The following SNCAIP variants were observed in gnomAD, a reference collection of about 807,000 sequenced individuals.
The protein encoded by SNCAIP is synuclein alpha interacting protein, also known as synphilin-1.
SNCAIP carries 43 observed loss-of-function variants against 86.7 expected under a neutral mutation model. The ratio of observed to expected loss-of-function variants is 0.50; its 90% CI spans 0.39 to 0.64. The LOEUF is 0.64. Ranked by LOEUF, SNCAIP falls within the 30% of genes least tolerant of loss-of-function variation. SNCAIP has a pLI of 0.00. For missense variants in SNCAIP, 981 were observed against 1,103.1 expected, an observed-to-expected ratio of 0.89 and a Z score of 1.57; for synonymous variants, 417 against 427.2, an observed-to-expected ratio of 0.98 and a Z score of 0.29.
At chr5:122,337,460 A>G (rs1756716151) in intron 1 of SNCAIP, among the ~76,000 whole-genome samples, 1 of 152,068 alleles carries the variant, frequency 6.6e-6, no homozygotes, top group Non-Finnish European at 1.5e-5. Context: ...CCACAGTTGA[A>G]TCACATGACA....
chr5:122,394,624 G>A (rs1028913373), intron 2 of SNCAIP, among the ~76,000 whole-genome samples: 1 of 152,178 alleles, frequency 6.6e-6, no homozygotes, highest in Non-Finnish European at 1.5e-5. Context: ...TCCTATGGAA[G>A]CCAGATCCCT....
At chr5:122,417,502 T>C (rs1775550749) in intron 3 of SNCAIP, among the ~76,000 whole-genome samples, 1 of 152,260 alleles carries the variant, frequency 6.6e-6, no homozygotes, top group African/African-American at 2.4e-5. Flanking sequence ...GCACATCTTG[T>C]CTAAACATTT....
At position 122,458,314 on chromosome 5, in the gene SNCAIP, G is replaced by A. The variant is rs933953833; in HGVS notation, c.2755-5177G>A. Among the ~76,000 whole-genome samples, 3 of 152,106 alleles carry A rather than the reference G, an allele frequency of 2.0e-5. No individual in the cohort carries two copies. In the East Asian group the frequency reaches 5.8e-4, roughly 29 times the overall value. On this transcript the variant is annotated intron_variant, in intron 10 of 10. Transcript: ENST00000261368. Reference sequence around the variant, plus strand: ...TTCAACAAGCCGCTCCTGATTTAAGGATAGTCAGAAAACCTAAGGACAACT... The same window carrying A: ...TTCAACAAGCCGCTCCTGATTTAAGAATAGTCAGAAAACCTAAGGACAACT...
At chr5:122,452,133 AAC>A (rs953251963) in intron 10 of SNCAIP, among the ~76,000 whole-genome samples, 2 of 152,244 alleles carry the variant, frequency 1.3e-5, no homozygotes, top group African/African-American at 4.8e-5. Flanking sequence ...GGTATTTTAC[AAC>A]ACAGACTCCT....
Position 122,464,080 on chromosome 5 carries a change from T to C in SNCAIP, c.*584T>C, listed in dbSNP as rs1307741334. 3 of 152,250 alleles carry C rather than the reference T, an allele frequency of 2.0e-5. No homozygotes were observed. Among genetic ancestry groups the C allele is most frequent in the African/African-American group, 4.8e-5 (2 of 41,460 alleles). 9.4% of individuals were successfully genotyped at this position (152,250 alleles called of 1,614,324 possible). On this transcript the variant is annotated 3_prime_UTR_variant, in exon 11 of 11. Coordinates refer to ENST00000261368, the MANE Select transcript of SNCAIP (RefSeq NM_005460.4). ...ACCTATAAGCTTGGGGCACCTACTTTCTAACAAATCTGTGATGTTCTGATT... is the reference window on the plus strand; with the variant it reads ...ACCTATAAGCTTGGGGCACCTACTTCCTAACAAATCTGTGATGTTCTGATT...
At chr5:122,329,293 G>A (rs1255697797) in intron 1 of SNCAIP, among the ~76,000 whole-genome samples, 2 of 148,224 alleles carry the variant, frequency 1.3e-5, no homozygotes, top group Non-Finnish European at 3.0e-5. Flanking sequence ...TTGAGTACAA[G>A]ATTTATTACA....
intron 2 of SNCAIP, among the ~76,000 whole-genome samples, chr5:122,392,718 A>T (rs1479233489): frequency 6.6e-6 from 1 of 152,236 alleles, no homozygotes; most frequent in Non-Finnish European, 1.5e-5. Flanking sequence ...TGAATAGCAC[A>T]TTAACTTCAC....
intron 1 of SNCAIP, chr5:122,389,151 G>T (rs919761359): frequency 5.9e-5 from 9 of 152,162 alleles, no homozygotes; most frequent in Non-Finnish European, 1.2e-4. Flanking sequence ...TCAAACAGGG[G>T]TGCAATGGTT....
chr5:122,368,192 T>C (rs1481655329), intron 1 of SNCAIP, among the ~76,000 whole-genome samples: 1 of 152,190 alleles, frequency 6.6e-6, no homozygotes, highest in East Asian at 1.9e-4. Context: ...CAGCCTCAGA[T>C]AGTCTGGGGG....
chr5:122,341,906 CT>C (rs1395623836), intron 1 of SNCAIP, among the ~76,000 whole-genome samples: 1 of 152,134 alleles, frequency 6.6e-6, no homozygotes, highest in East Asian at 1.9e-4. Context: ...CACAAATCCA[CT>C]TCTTGATTAT....
intron 6 of SNCAIP, among the ~76,000 whole-genome samples, chr5:122,435,795 A>C (rs1779327179): frequency 6.6e-6 from 1 of 152,196 alleles, no homozygotes; most frequent in Non-Finnish European, 1.5e-5. Context: ...AATTTACTTT[A>C]AAAAGGAAAA....
intron 1 of SNCAIP, among the ~76,000 whole-genome samples, chr5:122,314,381 A>G (rs906580878): frequency 1.3e-5 from 2 of 152,226 alleles, no homozygotes; most frequent in Non-Finnish European, 2.9e-5. Context: ...AACACAAGGG[A>G]ATTTCTCTTT....
At chr5:122,357,529 C>G (rs577919391) in intron 1 of SNCAIP, among the ~76,000 whole-genome samples, 1 of 152,028 alleles carries the variant, frequency 6.6e-6, no homozygotes, top group Admixed American at 6.6e-5. Flanking sequence ...CCACCGTGCT[C>G]AGCCAATGTT....
chr5:122,336,094 A>C (rs890742859), intron 1 of SNCAIP, among the ~76,000 whole-genome samples: 1 of 152,206 alleles, frequency 6.6e-6, no homozygotes, highest in Admixed American at 6.5e-5. Flanking sequence ...CTTCTTCTAC[A>C]GACAAAATAA....
chr5:122,377,379 A>T (rs1326999497), intron 1 of SNCAIP, among the ~76,000 whole-genome samples: 1 of 151,958 alleles, frequency 6.6e-6, no homozygotes, highest in Non-Finnish European at 1.5e-5. Context: ...ACATTCTTTT[A>T]TCTTCTCCTG....
chr5:122,345,157 T>G (rs1758345068), intron 1 of SNCAIP, among the ~76,000 whole-genome samples: 1 of 152,174 alleles, frequency 6.6e-6, no homozygotes, highest in South Asian at 2.1e-4. Flanking sequence ...GATGCCAGAA[T>G]TCACTAGTAT....
intron 5 of SNCAIP, among the ~76,000 whole-genome samples, 178 bp downstream of exon 5, chr5:122,425,709 CTTAA>C (rs1398173885): frequency 2.6e-5 from 4 of 152,268 alleles, no homozygotes; most frequent in African/African-American, 9.6e-5. Flanking sequence ...GATTTTGAGA[CTTAA>C]TTCCCAGTTT....
intron 1 of SNCAIP, among the ~76,000 whole-genome samples, chr5:122,377,053 A>G (rs1466600602): frequency 6.6e-6 from 1 of 152,146 alleles, no homozygotes; most frequent in Non-Finnish European, 1.5e-5. Flanking sequence ...CCATACTTAC[A>G]AAGTCTTTAC....
chr5:122,410,142 A>G (rs942358483), intron 3 of SNCAIP, among the ~76,000 whole-genome samples: 3 of 152,248 alleles, frequency 2.0e-5, no homozygotes, highest in Non-Finnish European at 4.4e-5. Flanking sequence ...ATTGTTTAAC[A>G]AAATATAATT....
Sources: allele counts gnomAD v4.1 joint callset (sites outside exome capture counted in the v4.1 genomes callset), GRCh38; gene constraint gnomAD v4.1.1; transcripts MANE v1.5; gene names NCBI Gene and HGNC (gene_info 2026-07-23, HGNC 2026-07-21).